Variants in ENTHD1 observed in about 807,000 individuals in gnomAD.
The protein encoded by ENTHD1 is ENTH domain-containing protein 1.
In ENTHD1, 23 loss-of-function variants were observed where a neutral mutation model predicts 39.1. The ratio of observed to expected loss-of-function variants is 0.59; its 90% CI spans 0.42 to 0.83. The LOEUF (loss-of-function observed/expected upper bound fraction) is 0.83, where lower values mean the gene tolerates loss of function less well. Among genes scored for constraint, ENTHD1 ranks in the 40% least tolerant of loss-of-function variants. The pLI, the probability that ENTHD1 is intolerant of heterozygous loss-of-function variation, is 0.00. For synonymous variants in ENTHD1, 230 were observed against 258.2 expected, an observed-to-expected ratio of 0.89 and a Z score of 1.05; for missense variants, 624 against 705.4, an observed-to-expected ratio of 0.88 and a Z score of 1.31.
chr22:39,773,059 G>A (rs1462032174), intron 5 of ENTHD1, among the ~76,000 whole-genome samples: 1 of 143,232 alleles, frequency 7.0e-6, no homozygotes, highest in South Asian at 2.3e-4. Flanking sequence ...CAAAGCAGGT[G>A]GATCTCTTGA....
chr22:39,860,835 T>C (rs988764717), intron 3 of ENTHD1, among the ~76,000 whole-genome samples: 6 of 152,218 alleles, frequency 3.9e-5, no homozygotes, highest in African/African-American at 1.4e-4. Context: ...AAATGACATT[T>C]TTTAAAGTTT....
At chr22:39,750,239 G>T in intron 6 of ENTHD1, 1 of 189,586 alleles carries the variant, frequency 5.3e-6, no homozygotes, top group Non-Finnish European at 1.2e-5. Flanking sequence ...TTAGAACCTT[G>T]TTGAAGGCAC....
rs750277280 is a variant in ENTHD1, at chr22:39,887,443, T to C, written c.306A>G (p.Thr102=). 6.2e-7 allele frequency: 1 copy of C among 1,612,372 alleles called. No homozygotes were observed. Among genetic ancestry groups the C allele is most frequent in the African/African-American group, 1.3e-5 (1 of 74,886 alleles). Residue 102 remains threonine, a synonymous_variant, in exon 2 of 7, where the codon ACA becomes ACG. Coordinates refer to ENST00000325157, the MANE Select transcript of ENTHD1 (RefSeq NM_152512.4). ...CATCTATGTGCTGAAAATCTTTTAG[T>C]GTTTGAAGGTTACAGAACCCCTCTC... ...HCREGFCNLQ[T]LKDFQHIDEA...
intron 3 of ENTHD1, among the ~76,000 whole-genome samples, chr22:39,840,843 C>T (rs962257909): frequency 5.3e-5 from 8 of 152,100 alleles, no homozygotes; most frequent in Non-Finnish European, 1.2e-4. Context: ...CAAGCTCCGC[C>T]TCCCAGGTTC....
intron 5 of ENTHD1, among the ~76,000 whole-genome samples, chr22:39,807,322 G>T (rs774566924): frequency 7.2e-5 from 11 of 152,014 alleles, no homozygotes; most frequent in Non-Finnish European, 1.0e-4. Context: ...CTTATCCTAC[G>T]TGCCACTTTG....
At chr22:39,796,884 T>C (rs1230112665) in intron 5 of ENTHD1, among the ~76,000 whole-genome samples, 1 of 152,244 alleles carries the variant, frequency 6.6e-6, no homozygotes, top group African/African-American at 2.4e-5. Flanking sequence ...GTTAGGTCCA[T>C]TTAGTCTAAA....
chr22:39,799,547 C>T (rs747030451), intron 5 of ENTHD1, among the ~76,000 whole-genome samples: 6 of 152,110 alleles, frequency 3.9e-5, no homozygotes, highest in East Asian at 1.9e-4. Context: ...GGGTCCTGCA[C>T]GCAGGTTTTC....
At chr22:39,806,936 G>C (rs565717951) in intron 5 of ENTHD1, among the ~76,000 whole-genome samples, 3 of 152,186 alleles carry the variant, frequency 2.0e-5, no homozygotes, top group Non-Finnish European at 1.5e-5. Flanking sequence ...TATGGTGTTT[G>C]GGGGAAGCAG....
chr22:39,783,409 T>G (rs1274974947), intron 5 of ENTHD1, among the ~76,000 whole-genome samples: 2 of 152,034 alleles, frequency 1.3e-5, no homozygotes, highest in Admixed American at 6.5e-5. Context: ...ATCCTAAAAT[T>G]TATATGGAAT....
rs868771517 is a variant in ENTHD1, at chr22:39,744,178, G to A, written c.1325C>T (p.Ala442Val). 4 of 1,614,016 alleles carry A rather than the reference G, an allele frequency of 2.5e-6. No individual in the cohort carries two copies. The African/African-American group carries it at 5.3e-5, about 22-fold the overall frequency. ...GGACAGAGTCCAGAAGGAAGGTCCG[G>A]CCAGAATTGGTGATAAGAGATGAGC... Reference protein sequence around the residue: ...KSAHLLSPILAGPSFWTLSHQ... With the variant: ...KSAHLLSPILVGPSFWTLSHQ... The change falls in exon 7 of 7, where the codon GCC becomes GTC. Residue 442 changes from alanine (A) to valine (V), a missense_variant. Transcript: ENST00000325157.
At chr22:39,866,110 G>A (rs1319949458) in intron 2 of ENTHD1, among the ~76,000 whole-genome samples, 1 of 152,204 alleles carries the variant, frequency 6.6e-6, no homozygotes, top group African/African-American at 2.4e-5. Flanking sequence ...GTGATGCCAC[G>A]ATTGGCAACC....
intron 3 of ENTHD1, among the ~76,000 whole-genome samples, chr22:39,853,876 A>G (rs1316666488): frequency 3.9e-5 from 6 of 152,174 alleles, no homozygotes; most frequent in Admixed American, 3.9e-4. Context: ...TGCCTGGCCC[A>G]CTTTTATTAT....
chr22:39,833,941 CAAAAAAAAAA>C (rs59299623), intron 4 of ENTHD1, among the ~76,000 whole-genome samples: 5 of 117,918 alleles, frequency 4.2e-5, no homozygotes, highest in Admixed American at 8.5e-5. Context: ...TATACTTGGG[CAAAAAAAAAA>C]AAAAAAAAAA....
At chr22:39,886,294 A>G (rs564018855) in intron 2 of ENTHD1, among the ~76,000 whole-genome samples, 30 of 152,350 alleles carry the variant, frequency 2.0e-4, no homozygotes, top group Admixed American at 1.2e-3. Context: ...CACAGGACAT[A>G]TCTACTCTGT....
intron 3 of ENTHD1, among the ~76,000 whole-genome samples, chr22:39,847,922 A>G (rs2066003689): frequency 6.6e-6 from 1 of 152,212 alleles, no homozygotes; most frequent in Admixed American, 6.5e-5. Flanking sequence ...AGGCAGGTTA[A>G]ATGGGTTCTC....
chr22:39,757,730 G>A (rs560623914), intron 6 of ENTHD1, among the ~76,000 whole-genome samples: 7 of 151,982 alleles, frequency 4.6e-5, no homozygotes, highest in East Asian at 3.9e-4. Flanking sequence ...CTATGTTGTT[G>A]ATATGGTTTG....
chr22:39,787,705 A>G (rs2146595509), intron 5 of ENTHD1, among the ~76,000 whole-genome samples: 1 of 152,340 alleles, frequency 6.6e-6, no homozygotes, highest in East Asian at 1.9e-4. Flanking sequence ...AGCAAGCTGC[A>G]GAAGAAAAGT....
intron 6 of ENTHD1, among the ~76,000 whole-genome samples, chr22:39,747,686 A>G (rs1361413894): frequency 6.6e-6 from 1 of 152,142 alleles, no homozygotes; most frequent in Admixed American, 6.5e-5. Context: ...AATTATTTGA[A>G]GACAATCAGA....
intron 5 of ENTHD1, among the ~76,000 whole-genome samples, chr22:39,817,749 T>C (rs1216786853): frequency 6.6e-6 from 1 of 152,124 alleles, no homozygotes; most frequent in Non-Finnish European, 1.5e-5. Flanking sequence ...AATGGGGAAA[T>C]GGGCAAAGTC....
Sources: gnomAD v4.1 joint callset for allele counts (sites outside exome capture counted in the v4.1 genomes callset) on GRCh38, gnomAD v4.1.1 for gene constraint, MANE v1.5 for transcripts, NCBI Gene and HGNC (gene_info 2026-07-23, HGNC 2026-07-21) for gene names.